Variants in PDE1C observed in about 807,000 individuals in gnomAD.
PDE1C encodes the protein dual specificity calcium/calmodulin-dependent 3',5'-cyclic nucleotide phosphodiesterase 1C.
PDE1C carries 62 observed loss-of-function variants against 93.1 expected under a neutral mutation model. The ratio of observed to expected loss-of-function variants is 0.67; its 90% CI spans 0.54 to 0.82. PDE1C has a LOEUF of 0.82. PDE1C is among the 40% of genes least tolerant of loss of function. The pLI is 0.00. For synonymous variants in PDE1C, 325 were observed against 310.1 expected (o/e 1.05, Z -0.50); for missense variants, 742 against 884.6 (o/e 0.84, Z 2.04).
intron 3 of PDE1C, among the ~76,000 whole-genome samples, chr7:32,103,447 G>A (rs1350369079): frequency 1.3e-5 from 2 of 152,172 alleles, no homozygotes; most frequent in Non-Finnish European, 2.9e-5. Context: ...GCAGCCAGAC[G>A]GATGCCTCTC....
intron 16 of PDE1C, among the ~76,000 whole-genome samples, chr7:31,776,938 A>C (rs1202372024): frequency 7.0e-6 from 1 of 142,810 alleles, no homozygotes; most frequent in Non-Finnish European, 1.5e-5. Flanking sequence ...CTGATTGAGA[A>C]GACCCTATGT....
chr7:31,619,501 T>G, the PDE1C span, among the ~76,000 whole-genome samples: 1 of 151,916 alleles, frequency 6.6e-6, no homozygotes, highest in Admixed American at 6.6e-5. Context: ...CATAGCATTT[T>G]GATAAGAATA....
At chr7:31,971,783 T>C (rs1042136020) in intron 2 of PDE1C, among the ~76,000 whole-genome samples, 1 of 152,222 alleles carries the variant, frequency 6.6e-6, no homozygotes, top group Non-Finnish European at 1.5e-5. Flanking sequence ...CTCCAAGGTA[T>C]GTTTTCTGAC....
chr7:31,664,948 A>G, the PDE1C span, among the ~76,000 whole-genome samples: 1 of 152,202 alleles, frequency 6.6e-6, no homozygotes, highest in African/African-American at 2.4e-5. Flanking sequence ...TTGGCCACCT[A>G]CTTAAGAATC....
In PDE1C at chr7:32,298,636, G is replaced by A. The variant is rs779503273; in HGVS notation, c.85+15C>T. On this transcript the variant is annotated intron_variant, in intron 1 of 18. Coordinates refer to the PDE1C transcript ENST00000396193. ...TGCCCGAGCCAGGAGTCCGAGAGGGGTGGAAAGTTCTCACCTATGGTGAAG... is the reference window on the plus strand; with the variant it reads ...TGCCCGAGCCAGGAGTCCGAGAGGGATGGAAAGTTCTCACCTATGGTGAAG... 6.4e-5 allele frequency: 102 copies of A among 1,596,196 alleles called. 1 individual carries two copies. The highest frequency in any genetic ancestry group is 8.1e-5 in the Non-Finnish European group (95 of 1,171,994).
At chr7:31,715,826 T>A in the PDE1C span, among the ~76,000 whole-genome samples, 3 of 152,178 alleles carry the variant, frequency 2.0e-5, no homozygotes, top group Admixed American at 2.0e-4. Context: ...GGTCTGAGAC[T>A]CATCAGTACC....
rs112983219 is a variant in PDE1C, at chr7:32,418,599, C to A, written c.310+9223G>T. On this transcript the variant is annotated intron_variant, in intron 1 of 1. Coordinates refer to the PDE1C transcript ENST00000672256. ...GGGAAGATACGGCAGCACACATTTCCAGATTAAGATTCACTTTTTCCTTCA... is the reference window on the plus strand; with the variant it reads ...GGGAAGATACGGCAGCACACATTTCAAGATTAAGATTCACTTTTTCCTTCA... 6.5e-3 allele frequency among the ~76,000 whole-genome samples: 986 copies of A among 152,198 alleles called. 13 individuals carry two copies. Among genetic ancestry groups the A allele is most frequent in the African/African-American group, 0.023 (945 of 41,520 alleles).
intron 16 of PDE1C, among the ~76,000 whole-genome samples, chr7:31,782,585 T>C (rs1179851946): frequency 6.6e-6 from 1 of 152,186 alleles, no homozygotes; most frequent in Non-Finnish European, 1.5e-5. Flanking sequence ...TTGTGTAATA[T>C]TCAGTATCAC....
At chr7:32,417,003 G>C (rs1479286950) in intron 1 of PDE1C, among the ~76,000 whole-genome samples, 1 of 152,098 alleles carries the variant, frequency 6.6e-6, no homozygotes, top group Non-Finnish European at 1.5e-5. Context: ...CCCATGCCTG[G>C]CTCTCCCAGC....
At chr7:32,339,754 A>G (rs1783711078) in intron 1 of PDE1C, among the ~76,000 whole-genome samples, 1 of 152,126 alleles carries the variant, frequency 6.6e-6, no homozygotes, top group African/African-American at 2.4e-5. Context: ...GAAAAGAAGC[A>G]CAGAGATGAG....
intron 1 of PDE1C, among the ~76,000 whole-genome samples, chr7:32,265,180 C>T (rs1025552402): frequency 6.6e-6 from 1 of 152,214 alleles, no homozygotes; most frequent in South Asian, 2.1e-4. Context: ...TCTCACTACC[C>T]CTTAGCCCAG....
intron 1 of PDE1C, among the ~76,000 whole-genome samples, chr7:32,422,084 A>G (rs946595993): frequency 3.3e-5 from 5 of 152,172 alleles, no homozygotes; most frequent in African/African-American, 1.2e-4. Context: ...AGCAGTTCCT[A>G]GAGGTAATGC....
chr7:32,366,112 G>A (rs1441644171), intron 1 of PDE1C, among the ~76,000 whole-genome samples: 1 of 152,030 alleles, frequency 6.6e-6, no homozygotes, highest in Non-Finnish European at 1.5e-5. Context: ...GCCAGAAGAA[G>A]AATTCAAAAT....
intron 1 of PDE1C, among the ~76,000 whole-genome samples, chr7:32,251,393 C>T (rs1479379045): frequency 1.3e-5 from 2 of 152,204 alleles, no homozygotes; most frequent in Non-Finnish European, 2.9e-5. Context: ...ATCATCTACC[C>T]GGTTTTCCAG....
chr7:31,684,700 T>G, the PDE1C span, among the ~76,000 whole-genome samples: 13 of 152,212 alleles, frequency 8.5e-5, no homozygotes, highest in African/African-American at 3.1e-4. Flanking sequence ...AGAATGCAAA[T>G]TAAAACCATG....
At chr7:31,974,320 A>C (rs1194691608) in intron 2 of PDE1C, among the ~76,000 whole-genome samples, 2 of 152,220 alleles carry the variant, frequency 1.3e-5, no homozygotes, top group African/African-American at 4.8e-5. Flanking sequence ...AATTAGCTAC[A>C]TGATACAGGC....
intron 16 of PDE1C, among the ~76,000 whole-genome samples, chr7:31,802,393 A>T (rs910823471): frequency 7.9e-5 from 12 of 151,426 alleles, no homozygotes; most frequent in Non-Finnish European, 8.9e-5. Context: ...CATATATTTC[A>T]TTTTTGTATA....
At chr7:31,960,284 G>A (rs1338313354) in intron 2 of PDE1C, among the ~76,000 whole-genome samples, 1 of 152,208 alleles carries the variant, frequency 6.6e-6, no homozygotes, top group Non-Finnish European at 1.5e-5. Flanking sequence ...CTGACATCCT[G>A]TGCCTCCCTG....
chr7:31,860,491 A>C (rs1794565999), intron 7 of PDE1C, among the ~76,000 whole-genome samples: 2 of 152,184 alleles, frequency 1.3e-5, no homozygotes, highest in African/African-American at 4.8e-5. Context: ...CTTAGATACT[A>C]ATGAATGGTG....
Sources: allele counts gnomAD v4.1 joint callset (sites outside exome capture counted in the v4.1 genomes callset), GRCh38; gene constraint gnomAD v4.1.1; transcripts MANE v1.5; gene names NCBI Gene and HGNC (gene_info 2026-07-23, HGNC 2026-07-21).